ATP4A: variants seen among roughly 807,000 people sequenced by gnomAD.
The protein encoded by ATP4A is potassium-transporting ATPase alpha chain 1.
ATP4A carries 73 observed loss-of-function variants against 112.1 expected under a neutral mutation model. That is an observed-to-expected ratio of 0.65 (90% CI 0.54 to 0.79). The LOEUF (loss-of-function observed/expected upper bound fraction) is 0.79, where lower values mean the gene tolerates loss of function less well. ATP4A is among the 30% of genes least tolerant of loss of function. The pLI is 0.00. For missense variants in ATP4A, 1,081 were observed against 1,425.9 expected (o/e 0.76, Z 3.90); for synonymous variants, 588 against 588.9 (o/e 1.00, Z 0.02).
rs555207086 is a variant in ATP4A, at chr19:35,550,174, G to A, written c.*441C>T. On this transcript the variant is annotated 3_prime_UTR_variant, in exon 22 of 22. Coordinates refer to ENST00000262623, the MANE Select transcript of ATP4A (RefSeq NM_000704.3). The surrounding 1 kb of genome is among the most constrained non-coding windows in gnomAD (Gnocchi z 4.1). ...ACAAGCACTAATGAGAGACGCTGAGGACAGTGCCTGGCACCAGATACAGCA... is the reference window on the plus strand; with the variant it reads ...ACAAGCACTAATGAGAGACGCTGAGAACAGTGCCTGGCACCAGATACAGCA... 139 of 232,906 alleles carry A rather than the reference G, an allele frequency of 6.0e-4. 3 individuals are homozygous for A. In the South Asian group the frequency reaches 7.5e-3, roughly 12 times the overall value. 14.4% of individuals were successfully genotyped at this position (232,906 alleles called of 1,614,324 possible).
Position 35,555,546 on chromosome 19 carries a change from A to T in ATP4A, c.2051T>A (p.Met684Lys), listed in dbSNP as rs746669377. 5 of 1,594,676 alleles carry T rather than the reference A, an allele frequency of 3.1e-6. No individual in the cohort carries two copies. Among genetic ancestry groups the T allele is most frequent in the Non-Finnish European group, 2.6e-6 (3 of 1,166,566 alleles). The change falls in exon 14 of 22, where the codon ATG (methionine) becomes AAG (lysine). Residue 684 changes from methionine to lysine, a missense_variant. By Grantham distance (95) the Met-to-Lys change is moderately conservative (BLOSUM62 -1). This residue lies in a region of ATP4A where 850 missense variants were observed against 1,068.2 expected (regional missense o/e 0.80). Transcript: ENST00000262623. The surrounding 1 kb of genome is among the most constrained non-coding windows in gnomAD (Gnocchi z 6.6). ...CVINGMQLKDMDPSELVEALR... is the reference protein window; with the variant it reads ...CVINGMQLKDKDPSELVEALR... ...GGCCTCGACCAGTTCCGATGGGTCCATGTCCTTCAGCTGCATGCCATTGAT... is the reference window on the plus strand; with the variant it reads ...GGCCTCGACCAGTTCCGATGGGTCCTTGTCCTTCAGCTGCATGCCATTGAT...
rs149880813 is a variant in ATP4A, at chr19:35,560,514, G to T, written c.636C>A (p.Ala212=). The T allele has an allele frequency of 4.3e-6, 7 of 1,613,502 alleles. No individual in the cohort carries two copies. Among genetic ancestry groups the T allele is most frequent in the Non-Finnish European group, 5.1e-6 (6 of 1,180,012 alleles). ...VEMKGGDRVP[A]DIRILAAQGC... ...CCTGGGCCGCCAGGATGCGGATGTC[G>T]GCGGGCACTCTGTCCCCACCTTTCA... Residue 212 remains alanine, a synonymous_variant, in exon 6 of 22, where the codon GCC becomes GCA. Transcript: ENST00000262623. The surrounding 1 kb of genome is among the most constrained non-coding windows in gnomAD (Gnocchi z 5.1).
rs2071648510 is a variant in ATP4A, at chr19:35,558,677, A to T, written c.1265T>A (p.Phe422Tyr). Reference protein sequence around the residue: ...DTTEDQSGQTFDQSSETWRAL... With the variant: ...DTTEDQSGQTYDQSSETWRAL... ...CCGCCACGTCTCCGAGGACTGGTCA[A>T]ACGTCTGCCCTGCAGACCAGGCGTC... Residue 422 changes from phenylalanine (F) to tyrosine (Y), a missense_variant, in exon 9 of 22, where the codon TTT becomes TAT. By Grantham distance (22) the Phe-to-Tyr change is conservative. Around this residue, in one of 3 missense-constraint regions of ATP4A, gnomAD observed 850 missense variants for 1,068.2 expected, o/e 0.80. Coordinates refer to ENST00000262623, the MANE Select transcript of ATP4A (RefSeq NM_000704.3). The surrounding 1 kb of genome is among the most constrained non-coding windows in gnomAD (Gnocchi z 5.1). 6.3e-7 allele frequency: 1 copy of T among 1,599,012 alleles called. No individual in the cohort carries two copies. Among genetic ancestry groups the T allele is most frequent in the Admixed American group, 1.7e-5 (1 of 57,636 alleles).
intron 16 of ATP4A, among the ~76,000 whole-genome samples, chr19:35,554,299 C>T (rs574727652): frequency 4.6e-5 from 7 of 152,106 alleles, no homozygotes; most frequent in South Asian, 4.2e-4. Flanking sequence ...AAGTCACAGC[C>T]GGGCCACTTA....
At chr19:35,561,649 T>A (rs2071671506) in intron 4 of ATP4A, among the ~76,000 whole-genome samples, 1 of 152,014 alleles carries the variant, frequency 6.6e-6, no homozygotes, top group African/African-American at 2.4e-5. Flanking sequence ...ATATGTCCAA[T>A]GTCCCTTGCC....
At position 35,558,289 on chromosome 19, in the gene ATP4A, G is replaced by A. The variant is rs1344921615; in HGVS notation, c.1500+73C>T. 1 of 1,524,062 alleles carries A rather than the reference G, an allele frequency of 6.6e-7. No homozygotes were observed. The highest frequency in any genetic ancestry group is 1.2e-5 in the South Asian group (1 of 82,218). The allele number at this position is 1,524,062 out of a possible 1,614,324, so 94.4% of individuals were successfully genotyped here. Reference sequence around the variant, plus strand: ...CAAGGAGCGAAGCCCCTCGTGGCCCGCTGATGTGGGTGTGGCCTGGGGCGG... The same window carrying A: ...CAAGGAGCGAAGCCCCTCGTGGCCCACTGATGTGGGTGTGGCCTGGGGCGG... On this transcript the variant is annotated intron_variant, in intron 10 of 21. Transcript: ENST00000262623. The surrounding 1 kb of genome is among the most constrained non-coding windows in gnomAD (Gnocchi z 5.1).
chr19:35,558,365 G>T lies in ATP4A; in HGVS notation c.1497C>A (p.Phe499Leu). 6.2e-7 allele frequency: 1 copy of T among 1,610,034 alleles called. No homozygotes were observed. Among genetic ancestry groups the T allele is most frequent in the South Asian group, 1.1e-5 (1 of 90,254 alleles). Residue 499 changes from phenylalanine (F) to leucine (L), a missense_variant, in exon 10 of 22, where the codon TTC (phenylalanine) becomes TTA (leucine). Phe to Leu is a conservative substitution (Grantham distance 22). This residue lies in a region of ATP4A where 850 missense variants were observed against 1,068.2 expected (regional missense o/e 0.80). Transcript: ENST00000262623. This position sits in a 1 kb window ranked among gnomAD's most constrained non-coding sequence, Gnocchi z 5.1. ...CEIPFNSTNK[F>L]QLSIHTLEDP... is the part of the protein sequence containing the mutation. ...GTGGGCGGGGCCGGCTGCGCACCTGGAACTTGTTGGTGGAGTTGAAGGGTA... is the reference window on the plus strand; with the variant it reads ...GTGGGCGGGGCCGGCTGCGCACCTGTAACTTGTTGGTGGAGTTGAAGGGTA...
At position 35,563,246 on chromosome 19, in the gene ATP4A, GCCACTGA is replaced by G. The variant is rs778784158; in HGVS notation, c.172_178del (p.Ser58ArgfsTer145). The G allele has an allele frequency of 6.2e-7, 1 of 1,613,672 alleles. No individual in the cohort carries two copies. The highest frequency in any genetic ancestry group is 1.3e-5 in the African/African-American group (1 of 74,832). ...GGTCTGGTATTTCTGTTCCAGCTCCGCCACTGACAGCTGGTGGTCGTTCTGTGTGGTG... is the reference window on the plus strand; with the variant it reads ...GGTCTGGTATTTCTGTTCCAGCTCCGCAGCTGGTGGTCGTTCTGTGTGGTG... On this transcript the variant is annotated frameshift_variant, in exon 3 of 22. Transcript: ENST00000262623. LOFTEE classifies it high-confidence loss of function.
Position 35,551,684 on chromosome 19 carries a change from A to C in ATP4A, c.2752-104T>G. On this transcript the variant is annotated intron_variant, in intron 18 of 21. Coordinates refer to ENST00000262623, the MANE Select transcript of ATP4A (RefSeq NM_000704.3). The surrounding 1 kb of genome is among the most constrained non-coding windows in gnomAD (Gnocchi z 5.2). ...AGGGTCCCAGGGCCGTGAACCCCTAAATGCTCTCTCTGCCTTGCATCAGAG... is the reference window on the plus strand; with the variant it reads ...AGGGTCCCAGGGCCGTGAACCCCTACATGCTCTCTCTGCCTTGCATCAGAG... The C allele has an allele frequency of 1.4e-6, 2 of 1,407,746 alleles. No homozygotes were observed. Among genetic ancestry groups the C allele is most frequent in the Non-Finnish European group, 9.7e-7 (1 of 1,031,638 alleles). 87.2% of individuals were successfully genotyped at this position (1,407,746 alleles called of 1,614,324 possible).
rs894102590 is a variant in ATP4A at position 35,560,840 on chromosome 19, G to A, written c.513C>T (p.Ser171=). The change falls in exon 5 of 22, where the codon AGC becomes AGT. Residue 171 remains serine (S), a synonymous_variant. Transcript: ENST00000262623. This position sits in a 1 kb window ranked among gnomAD's most constrained non-coding sequence, Gnocchi z 5.1. ...QEFKSTNIIA[S]FKNLVPQQAT... The stretch of plus-strand genomic sequence containing the variant: ...CCACCTGTGGCACAAGGTTCTTAAA[G>A]CTGGCGATGATGTTGGTGCTCTTGA... 5 of 1,613,904 alleles carry A rather than the reference G, an allele frequency of 3.1e-6. No individual in the cohort carries two copies. Among genetic ancestry groups the A allele is most frequent in the African/African-American group, 1.3e-5 (1 of 74,834 alleles).
rs766964021 is a variant in ATP4A at position 35,560,091 on chromosome 19, C to A, written c.788-18G>T. 6.2e-7 allele frequency: 1 copy of A among 1,612,114 alleles called. No individual in the cohort carries two copies. The highest frequency in any genetic ancestry group is 1.1e-5 in the South Asian group (1 of 90,978). On this transcript the variant is annotated intron_variant, in intron 6 of 21. Coordinates refer to ENST00000262623, the MANE Select transcript of ATP4A (RefSeq NM_000704.3). The surrounding 1 kb of genome is among the most constrained non-coding windows in gnomAD (Gnocchi z 5.1). ...CACGGTGCCTGCAGGGGGGCCAAGGCGCGACTCAGGGATAGGGGGCGGCAG... is the reference window on the plus strand; with the variant it reads ...CACGGTGCCTGCAGGGGGGCCAAGGAGCGACTCAGGGATAGGGGGCGGCAG...
At position 35,559,891 on chromosome 19, in the gene ATP4A, T is replaced by C. The variant is rs765433510; in HGVS notation, c.970A>G (p.Ile324Val). ...ATGGCCCGCAGGAAGGTGTAGCCAA[T>C]GCACATGGCCACAATAAAAAATGTG... ...GATFFIVAMC[I>V]GYTFLRAMVF... is the part of the protein sequence containing the mutation. Residue 324 changes from isoleucine to valine, a missense_variant, in exon 7 of 22, where the codon ATT becomes GTT. Transcript: ENST00000262623. The surrounding 1 kb of genome is among the most constrained non-coding windows in gnomAD (Gnocchi z 4.1). 6.2e-7 allele frequency: 1 copy of C among 1,614,136 alleles called. No homozygotes were observed. The highest frequency in any genetic ancestry group is 8.5e-7 in the Non-Finnish European group (1 of 1,180,034).
At position 35,557,853 on chromosome 19, in the gene ATP4A, G is replaced by C; in HGVS notation, c.1501-6C>G. The C allele has an allele frequency of 6.7e-7, 1 of 1,494,908 alleles. No homozygotes were observed. The highest frequency in any genetic ancestry group is 9.0e-7 in the Non-Finnish European group (1 of 1,117,244). The allele number at this position is 1,494,908 out of a possible 1,614,324, so 92.6% of individuals were successfully genotyped here. ...TCCAGCGTATGGATGGACAGCTGTGGGCGGGGGGGAGAGGCGAGGCTGTGG... is the reference window on the plus strand; with the variant it reads ...TCCAGCGTATGGATGGACAGCTGTGCGCGGGGGGGAGAGGCGAGGCTGTGG... On this transcript the variant is annotated splice_region_variant and splice_polypyrimidine_tract_variant and intron_variant, in intron 10 of 21. Coordinates refer to ENST00000262623, the MANE Select transcript of ATP4A (RefSeq NM_000704.3). This position sits in a 1 kb window ranked among gnomAD's most constrained non-coding sequence, Gnocchi z 4.4.
rs952666130 is a variant in ATP4A at position 35,551,747 on chromosome 19, A to G, written c.2752-167T>C. On this transcript the variant is annotated intron_variant, in intron 18 of 21. Transcript: ENST00000262623. This position sits in a 1 kb window ranked among gnomAD's most constrained non-coding sequence, Gnocchi z 5.2. ...GGGAAGGAGAGAGGCAGGGTCTGCCAGGTGTGCAGGACCCCAGAACGTGGG... is the reference window on the plus strand; with the variant it reads ...GGGAAGGAGAGAGGCAGGGTCTGCCGGGTGTGCAGGACCCCAGAACGTGGG... Among the ~76,000 whole-genome samples the G allele has an allele frequency of 1.3e-5, 2 of 152,158 alleles. No homozygotes were observed. Among genetic ancestry groups the G allele is most frequent in the African/African-American group, 4.8e-5 (2 of 41,436 alleles).
intron 4 of ATP4A, 96 bp downstream of exon 4, chr19:35,562,339 C>T: frequency 2.8e-6 from 4 of 1,410,418 alleles, no homozygotes; most frequent in Non-Finnish European, 3.9e-6. Context: ...TCGTCTATCC[C>T]CATCCTTCTC....
At position 35,560,102 on chromosome 19, in the gene ATP4A, G is replaced by A; in HGVS notation, c.788-29C>T. 6.2e-7 allele frequency: 1 copy of A among 1,611,036 alleles called. No homozygotes were observed. The highest frequency in any genetic ancestry group is 8.5e-7 in the Non-Finnish European group (1 of 1,178,498). On this transcript the variant is annotated intron_variant, in intron 6 of 21. Coordinates refer to ENST00000262623, the MANE Select transcript of ATP4A (RefSeq NM_000704.3). This position sits in a 1 kb window ranked among gnomAD's most constrained non-coding sequence, Gnocchi z 5.1. ...CAGGGGGGCCAAGGCGCGACTCAGG[G>A]ATAGGGGGCGGCAGTGGGGTGTGCA...
Position 35,551,407 on chromosome 19 carries a change from C to A in ATP4A, c.2885+40G>T. 6.2e-7 allele frequency: 1 copy of A among 1,613,220 alleles called. No homozygotes were observed. On this transcript the variant is annotated intron_variant, in intron 19 of 21. Transcript: ENST00000262623. The surrounding 1 kb of genome is among the most constrained non-coding windows in gnomAD (Gnocchi z 5.2). ...AGTCAGGATCTGATGGGAGTTGGGACCAGGGGTTGGAGGGCAGGAAGAGGG... is the reference window on the plus strand; with the variant it reads ...AGTCAGGATCTGATGGGAGTTGGGAACAGGGGTTGGAGGGCAGGAAGAGGG...
In ATP4A at chr19:35,557,864, G is replaced by T; in HGVS notation, c.1501-17C>A. On this transcript the variant is annotated splice_polypyrimidine_tract_variant and intron_variant, in intron 10 of 21. Transcript: ENST00000262623. This position sits in a 1 kb window ranked among gnomAD's most constrained non-coding sequence, Gnocchi z 4.4. ...GATGGACAGCTGTGGGCGGGGGGGA[G>T]AGGCGAGGCTGTGGACGGGGGAACG... 3 of 1,452,082 alleles carry T rather than the reference G, an allele frequency of 2.1e-6. No individual in the cohort carries two copies. Among genetic ancestry groups the T allele is most frequent in the Non-Finnish European group, 1.8e-6 (2 of 1,097,830 alleles). The allele number at this position is 1,452,082 out of a possible 1,614,324, so 89.9% of individuals were successfully genotyped here.
rs550481947 is a variant in ATP4A, at chr19:35,553,143, G to A, written c.2645C>T (p.Thr882Met). The change falls in exon 18 of 22, where the codon ACG becomes ATG. Residue 882 changes from threonine (T) to methionine (M), a missense_variant. Thr to Met is a moderately conservative substitution (Grantham distance 81, BLOSUM62 -1). This residue lies in a region of ATP4A where 219 missense variants were observed against 320.9 expected (regional missense o/e 0.68). Transcript: ENST00000262623. ...GAACCAGCCCTCCTGGGCCATTGCC[G>A]TGAAGTAGTCAGTGAAGCCAGCAAA... ...QSFAGFTDYF[T>M]AMAQEGWFPL... is the part of the protein sequence containing the mutation. 20 of 1,607,578 alleles carry A rather than the reference G, an allele frequency of 1.2e-5. No homozygotes were observed. The highest frequency in any genetic ancestry group is 2.7e-5 in the African/African-American group (2 of 74,954).
Sources: gnomAD v4.1 joint callset for allele counts (sites outside exome capture counted in the v4.1 genomes callset) on GRCh38, gnomAD v4.1.1 for gene constraint, gnomAD v4.1.1 regional missense constraint, Gnocchi (gnomAD v3.1) non-coding constraint, MANE v1.5 for transcripts, NCBI Gene and HGNC (gene_info 2026-07-23, HGNC 2026-07-21) for gene names.